The following PPP1R12A variants were observed in gnomAD, a reference collection of about 807,000 sequenced individuals.
The protein encoded by PPP1R12A is myosin binding subunit.
In PPP1R12A, 19 loss-of-function variants were observed where a neutral mutation model predicts 139.6. The observed-to-expected ratio is 0.14, with a 90% CI of 0.09 to 0.20. The LOEUF (loss-of-function observed/expected upper bound fraction) is 0.20, where lower values mean the gene tolerates loss of function less well. PPP1R12A is among the 10% of genes least tolerant of loss of function. The pLI is 1.00. For missense variants in PPP1R12A, 925 were observed against 1,211.5 expected (o/e 0.76, Z 3.51); for synonymous variants, 427 against 420.6 (o/e 1.02, Z -0.19).
chr12:79,821,979 T>G, intron 6 of PPP1R12A, 137 bp downstream of exon 6: 1 of 576,166 alleles, frequency 1.7e-6, no homozygotes, highest in Non-Finnish European at 3.0e-6. Context: ...TTTATTCTCT[T>G]TCACTATCAT....
intron 3 of PPP1R12A, among the ~76,000 whole-genome samples, chr12:79,838,334 G>C (rs547303396): frequency 2.0e-5 from 3 of 152,208 alleles, no homozygotes; most frequent in Non-Finnish European, 4.4e-5. Flanking sequence ...AAAGGAAGCA[G>C]AGCATAAAAG....
intron 2 of PPP1R12A, among the ~76,000 whole-genome samples, chr12:79,866,638 C>T (rs966547969): frequency 2.0e-5 from 3 of 152,008 alleles, no homozygotes; most frequent in African/African-American, 7.3e-5. Context: ...AGCAAACAAC[C>T]CCATCAAAAA....
intron 24 of PPP1R12A, chr12:79,777,316 T>C: frequency 1.0e-6 from 1 of 980,316 alleles, no homozygotes. Context: ...TCCAAAATCA[T>C]CCCTAATTTT....
chr12:79,891,234 T>C (rs886806151), intron 1 of PPP1R12A, among the ~76,000 whole-genome samples: 4 of 152,160 alleles, frequency 2.6e-5, no homozygotes, highest in Non-Finnish European at 5.9e-5. Context: ...GATGAAGGAT[T>C]GAAAAAATCT....
chr12:79,824,637 A>T (rs1033936388), intron 5 of PPP1R12A, among the ~76,000 whole-genome samples: 1 of 152,214 alleles, frequency 6.6e-6, no homozygotes, highest in Non-Finnish European at 1.5e-5. Context: ...CAACTTAAAC[A>T]TGCTCTTTAA....
intron 1 of PPP1R12A, among the ~76,000 whole-genome samples, chr12:79,894,993 T>C (rs984429281): frequency 6.6e-6 from 1 of 152,032 alleles, no homozygotes; most frequent in African/African-American, 2.4e-5. Context: ...AAAATAAGAG[T>C]ACAAAAAAAT....
chr12:79,907,551 C>T (rs1173757799), intron 1 of PPP1R12A, among the ~76,000 whole-genome samples: 2 of 152,158 alleles, frequency 1.3e-5, no homozygotes, highest in Non-Finnish European at 2.9e-5. Flanking sequence ...AAAGTTCACT[C>T]TACAATTGCC....
intron 22 of PPP1R12A, 61 bp from the exon 23 acceptor site, chr12:79,781,923 G>C (rs1870496113): frequency 2.1e-6 from 2 of 970,372 alleles, no homozygotes; most frequent in East Asian, 5.3e-5. Flanking sequence ...GGTGACCACA[G>C]TAATTCTCTT....
At chr12:79,874,187 T>C (rs1276150973) in intron 1 of PPP1R12A, among the ~76,000 whole-genome samples, 2 of 151,786 alleles carry the variant, frequency 1.3e-5, no homozygotes, top group African/African-American at 2.4e-5. Flanking sequence ...GGCAGGAGAA[T>C]TGCCTGAACC....
At chr12:79,809,389 G>A (rs1874248043) in intron 10 of PPP1R12A, among the ~76,000 whole-genome samples, 1 of 151,998 alleles carries the variant, frequency 6.6e-6, no homozygotes, top group African/African-American at 2.4e-5. Flanking sequence ...TATGGTAGAT[G>A]AAAAATCTGG....
chr12:79,830,459 G>A (rs377380705), intron 4 of PPP1R12A, among the ~76,000 whole-genome samples: 5 of 152,054 alleles, frequency 3.3e-5, no homozygotes, highest in East Asian at 1.9e-4. Context: ...CTGCTAGCAC[G>A]TATCTTACTT....
chr12:79,883,336 C>G (rs1211600691), intron 1 of PPP1R12A, among the ~76,000 whole-genome samples: 2 of 152,018 alleles, frequency 1.3e-5, no homozygotes, highest in Non-Finnish European at 2.9e-5. Context: ...ATAAACACAA[C>G]TTTTATATGC....
chr12:79,926,455 T>C (rs1329906104), intron 1 of PPP1R12A, among the ~76,000 whole-genome samples: 3 of 152,206 alleles, frequency 2.0e-5, no homozygotes, highest in Non-Finnish European at 4.4e-5. Context: ...CCTCCCAAAG[T>C]GCTAGGACTA....
At chr12:79,923,264 A>C (rs1887585242) in intron 1 of PPP1R12A, among the ~76,000 whole-genome samples, 1 of 152,198 alleles carries the variant, frequency 6.6e-6, no homozygotes, top group Non-Finnish European at 1.5e-5. Flanking sequence ...GCTGAGGGAG[A>C]CTTCGTCTCA....
In PPP1R12A at chr12:79,809,821, A is replaced by G. The variant is rs1315589130; in HGVS notation, c.1429T>C (p.Ser477Pro). The change falls in exon 10 of 25, where the codon TCC becomes CCC. Residue 477 changes from serine to proline, a missense_variant. Physicochemically the swap from Ser to Pro is moderately conservative, Grantham distance 74 (BLOSUM62 -1). This residue lies in a region of PPP1R12A where 403 missense variants were observed against 463.7 expected (regional missense o/e 0.87). Coordinates refer to ENST00000450142, the MANE Select transcript of PPP1R12A (RefSeq NM_002480.3). ...VTRSASSPRL[S>P]SSLDNKEKEK... Reference sequence around the variant, plus strand: ...TTTTCTTTATTATCCAAAGAGGAGGAAAGTCTGGGACTTGAAGCTGAACGT... The same window carrying G: ...TTTTCTTTATTATCCAAAGAGGAGGGAAGTCTGGGACTTGAAGCTGAACGT... The G allele has an allele frequency of 1.2e-6, 2 of 1,613,068 alleles. No individual in the cohort carries two copies. Among genetic ancestry groups the G allele is most frequent in the Non-Finnish European group, 1.7e-6 (2 of 1,179,322 alleles).
chr12:79,928,182 T>C (rs1887988876), intron 1 of PPP1R12A, among the ~76,000 whole-genome samples: 1 of 152,242 alleles, frequency 6.6e-6, no homozygotes, highest in Non-Finnish European at 1.5e-5. Context: ...TTCCATCCAG[T>C]GTTTCTACCT....
At chr12:79,841,144 AC>A (rs1331179218) in intron 3 of PPP1R12A, among the ~76,000 whole-genome samples, 2 of 151,822 alleles carry the variant, frequency 1.3e-5, no homozygotes, top group Admixed American at 6.6e-5. Context: ...GCTTACAGTA[AC>A]CTTGTACTCC....
At position 79,775,181 on chromosome 12, in the gene PPP1R12A, G is replaced by GTTTC. The variant is rs1249331201; in HGVS notation, c.*747_*748insGAAA. 1 of 152,352 alleles carries GTTTC rather than the reference G, an allele frequency of 6.6e-6. No homozygotes were observed. The highest frequency in any genetic ancestry group is 2.4e-5 in the African/African-American group (1 of 41,390). 9.4% of individuals were successfully genotyped at this position (152,352 alleles called of 1,614,324 possible). A position where few individuals can be genotyped will look rare whatever the true frequency, so the allele number is the denominator to read the frequency against. ...CATCTTATACTACAATAAAAAAAAA[G>GTTTC]TGACCAATGAAGCAGAAAATAGGAA... is the stretch of plus-strand genomic sequence containing the variant. On this transcript the variant is annotated 3_prime_UTR_variant, in exon 25 of 25. Transcript: ENST00000450142.
chr12:79,935,307 C>T, upstream of PPP1R12A: 3 of 1,047,654 alleles, frequency 2.9e-6, no homozygotes, highest in South Asian at 3.7e-5. Context: ...GGCTGGGCCA[C>T]CAGAGGGAAG....
Sources: allele counts gnomAD v4.1 joint callset (sites outside exome capture counted in the v4.1 genomes callset), GRCh38; gene constraint gnomAD v4.1.1; regional missense constraint gnomAD v4.1.1; transcripts MANE v1.5; gene names NCBI Gene and HGNC (gene_info 2026-07-23, HGNC 2026-07-21).